The following PCLO variants were observed in gnomAD, a reference collection of about 807,000 sequenced individuals.
PCLO encodes the protein protein piccolo.
A neutral mutation model predicts 427.5 loss-of-function variants in PCLO; 82 were observed. That is an observed-to-expected ratio of 0.19 (90% CI 0.16 to 0.23). The LOEUF (loss-of-function observed/expected upper bound fraction) is 0.23, where lower values mean the gene tolerates loss of function less well. Ranked by LOEUF, PCLO falls within the 10% of genes least tolerant of loss-of-function variation. PCLO has a pLI of 1.00. For missense variants in PCLO, 6,239 were observed against 6,115.9 expected (o/e 1.02, Z -0.67); for synonymous variants, 2,357 against 2,155.4 (o/e 1.09, Z -2.59).
chr7:82,999,404 A>C (rs1787722601), intron 3 of PCLO, among the ~76,000 whole-genome samples: 1 of 70,838 alleles, frequency 1.4e-5, no homozygotes, highest in Non-Finnish European at 2.3e-5. Context: ...AATATATACT[A>C]TTCCATTATA....
At chr7:82,830,836 C>T (rs1343241216) in intron 16 of PCLO, among the ~76,000 whole-genome samples, 1 of 151,938 alleles carries the variant, frequency 6.6e-6, no homozygotes, top group Non-Finnish European at 1.5e-5. Context: ...TTATCAGTCA[C>T]TATCTTTTCT....
At chr7:83,084,771 T>G (rs1790188461) in intron 3 of PCLO, among the ~76,000 whole-genome samples, 1 of 152,142 alleles carries the variant, frequency 6.6e-6, no homozygotes, top group Admixed American at 6.6e-5. Context: ...TCTTGATCAA[T>G]TTTGCACGTA....
rs573359034 is a variant in PCLO at position 82,997,592 on chromosome 7, A to C, written c.3301-31105T>G. Among the ~76,000 whole-genome samples, 189 of 152,044 alleles carry C rather than the reference A, an allele frequency of 1.2e-3. 1 individual carries two copies. Among genetic ancestry groups the C allele is most frequent in the African/African-American group, 4.5e-3 (187 of 41,516 alleles). ...AAGCAAGCAGAGTTGCATAAACAAAAATTTTCATGGTATAAACACATGTCC... is the reference window on the plus strand; with the variant it reads ...AAGCAAGCAGAGTTGCATAAACAAACATTTTCATGGTATAAACACATGTCC... On this transcript the variant is annotated intron_variant, in intron 3 of 24. Coordinates refer to ENST00000333891, the MANE Select transcript of PCLO (RefSeq NM_033026.6).
intron 3 of PCLO, among the ~76,000 whole-genome samples, chr7:83,030,742 G>C (rs555804197): frequency 6.6e-6 from 1 of 152,206 alleles, no homozygotes; most frequent in South Asian, 2.1e-4. Flanking sequence ...TAACCTGGCA[G>C]TGTTGCAAAA....
chr7:82,855,684 T>C (rs1289249875), intron 10 of PCLO, among the ~76,000 whole-genome samples: 1 of 152,104 alleles, frequency 6.6e-6, no homozygotes, highest in East Asian at 1.9e-4. Flanking sequence ...TAAAATTTGA[T>C]TGGGTCTCTT....
chr7:83,093,490 A>ATTTTTTTT (rs1339244676), intron 3 of PCLO, among the ~76,000 whole-genome samples: 11 of 65,990 alleles, frequency 1.7e-4, no homozygotes, highest in African/African-American at 7.0e-4. Context: ...ATATATATAT[A>ATTTTTTTT]TATTTTTTTT....
chr7:83,031,954 C>T lies in PCLO; in HGVS notation c.3301-65467G>A, dbSNP rs117816077. 2.0e-3 allele frequency among the ~76,000 whole-genome samples: 307 copies of T among 152,254 alleles called. 2 individuals carry two copies. The highest frequency in any genetic ancestry group is 3.3e-3 in the Admixed American group (50 of 15,292). On this transcript the variant is annotated intron_variant, in intron 3 of 24. Transcript: ENST00000333891. ...TTGATATGTCTGCATTTGCTAAACT[C>T]CTAGGCATTTTAGGATTGCATTTGA...
chr7:82,954,566 A>T lies in PCLO; in HGVS notation c.6387T>A (p.Asp2129Glu), dbSNP rs768293719. Residue 2129 changes from aspartate (D) to glutamate (E), a missense_variant, in exon 5 of 25, where the codon GAT becomes GAA. This residue lies in a region of PCLO where 4,677 missense variants were observed against 4,468.4 expected (regional missense o/e 1.05). Transcript: ENST00000333891. ...STSSATLSIPDVKITQHFSTE... is the reference protein window; with the variant it reads ...STSSATLSIPEVKITQHFSTE... ...TTGAAAAATGTTGGGTTATTTTAAC[A>T]TCTGGGATAGAGAGTGTTGCACTGC... is the stretch of plus-strand genomic sequence containing the variant. 1.9e-6 allele frequency: 3 copies of T among 1,613,970 alleles called. No individual in the cohort carries two copies. The highest frequency in any genetic ancestry group is 2.5e-6 in the Non-Finnish European group (3 of 1,179,876).
rs778108792 is a variant in PCLO at position 82,794,459 on chromosome 7, C to CTTTTTTT, written c.15007+7052_15007+7058dup. Among the ~76,000 whole-genome samples, 22 of 56,356 alleles carry CTTTTTTT rather than the reference C, an allele frequency of 3.9e-4. 2 individuals carry two copies. The highest frequency in any genetic ancestry group is 5.4e-4 in the Admixed American group (2 of 3,688). 37.0% of individuals were successfully genotyped at this position (56,356 alleles called of 152,430 possible). A position where few individuals can be genotyped will look rare whatever the true frequency, so the allele number is the denominator to read the frequency against. ...ACATGCTAGTTCATAAATTTTTTTT[C>CTTTTTTT]TTTTTTTTTTTTTTTTTTTTTTTTT... On this transcript the variant is annotated intron_variant, in intron 22 of 24. Coordinates refer to ENST00000333891, the MANE Select transcript of PCLO (RefSeq NM_033026.6).
chr7:83,023,812 C>G (rs776074698), intron 3 of PCLO, among the ~76,000 whole-genome samples: 1 of 152,144 alleles, frequency 6.6e-6, no homozygotes, highest in Non-Finnish European at 1.5e-5. Context: ...ACTAATAACT[C>G]TCTAAATTAT....
chr7:83,019,073 A>G (rs1788277614), intron 3 of PCLO, among the ~76,000 whole-genome samples: 1 of 152,044 alleles, frequency 6.6e-6, no homozygotes, highest in Non-Finnish European at 1.5e-5. Context: ...AATTTATTAT[A>G]TTTTCCATAA....
Position 82,978,170 on chromosome 7 carries a change from C to G in PCLO, c.3301-11683G>C, listed in dbSNP as rs148186354. Among the ~76,000 whole-genome samples, 161 of 148,476 alleles carry G rather than the reference C, an allele frequency of 1.1e-3. 5 individuals carry two copies. The East Asian group carries it at 0.027, about 25-fold the overall frequency. On this transcript the variant is annotated intron_variant, in intron 3 of 24. Coordinates refer to ENST00000333891, the MANE Select transcript of PCLO (RefSeq NM_033026.6). ...TTTTTAATATTAGAGAGACCCCCAC[C>G]CCCCCGGCAAAAACTCTGTATGAAA... is the stretch of plus-strand genomic sequence containing the variant.
At chr7:82,889,592 TC>T (rs550003138) in intron 9 of PCLO, among the ~76,000 whole-genome samples, 237 of 152,284 alleles carry the variant, frequency 1.6e-3, no homozygotes, top group Non-Finnish European at 2.6e-3. Flanking sequence ...GTCCAAAATA[TC>T]CTTTTCCTTT....
chr7:82,896,889 C>G (rs1353566871), intron 9 of PCLO, among the ~76,000 whole-genome samples: 1 of 151,620 alleles, frequency 6.6e-6, no homozygotes, highest in East Asian at 1.9e-4. Flanking sequence ...CTAAGTCTTT[C>G]TAGCCTTGCA....
At chr7:82,965,738 G>T in intron 4 of PCLO, 33 bp downstream of exon 4, 1 of 1,399,132 alleles carries the variant, frequency 7.1e-7, no homozygotes, top group South Asian at 1.3e-5. Flanking sequence ...TTTCACACAT[G>T]AGAGTGTGAG....
intron 22 of PCLO, among the ~76,000 whole-genome samples, chr7:82,796,917 T>C (rs1400064150): frequency 1.3e-5 from 2 of 151,394 alleles, no homozygotes; most frequent in Non-Finnish European, 2.9e-5. Context: ...GATACACTCA[T>C]ATATAGCACT....
intron 3 of PCLO, among the ~76,000 whole-genome samples, chr7:83,037,646 T>A (rs898109703): frequency 2.0e-5 from 3 of 151,610 alleles, no homozygotes; most frequent in Admixed American, 6.6e-5. Context: ...GACTTTTTTT[T>A]TATAGTAAAT....
In PCLO at chr7:82,822,588, T is replaced by G. The variant is rs1791822276; in HGVS notation, c.14698A>C (p.Ser4900Arg). The change falls in exon 20 of 25, where the codon AGC (serine) becomes CGC (arginine). Residue 4900 changes from serine to arginine, a missense_variant. Transcript: ENST00000333891. Reference protein sequence around the residue: ...LRSHGPSRSQSKTSVTQTHLE... With the variant: ...LRSHGPSRSQRKTSVTQTHLE... ...TGGGTCTGAGTGACGCTGGTTTTGC[T>G]TTGACTGCGAGATGGTCCATGAGAA... 6.2e-7 allele frequency: 1 copy of G among 1,613,780 alleles called. No individual in the cohort carries two copies. The highest frequency in any genetic ancestry group is 1.7e-5 in the Admixed American group (1 of 59,980).
chr7:83,082,879 T>A (rs1027693227), intron 3 of PCLO, among the ~76,000 whole-genome samples: 2 of 151,730 alleles, frequency 1.3e-5, no homozygotes, highest in Admixed American at 1.3e-4. Flanking sequence ...CTTTGAGCTA[T>A]AAAGTATATA....
Sources: gnomAD v4.1 joint callset for allele counts (sites outside exome capture counted in the v4.1 genomes callset) on GRCh38, gnomAD v4.1.1 for gene constraint, gnomAD v4.1.1 regional missense constraint, MANE v1.5 for transcripts, NCBI Gene and HGNC (gene_info 2026-07-23, HGNC 2026-07-21) for gene names.